The following DCDC1 variants were observed in gnomAD, a reference collection of about 807,000 sequenced individuals.
DCDC1 encodes doublecortin domain-containing protein 1.
A neutral mutation model predicts 178.3 loss-of-function variants in DCDC1; 200 were observed. The observed-to-expected ratio is 1.12, with a 90% confidence interval of 1.00 to 1.26. The LOEUF (loss-of-function observed/expected upper bound fraction) is 1.26, where lower values mean the gene tolerates loss of function less well. DCDC1 is among the 50% of genes most tolerant of loss of function. The probability of loss-of-function intolerance (pLI) is 0.00; values close to 1 mark genes in which losing one functional copy is unlikely to be tolerated. For synonymous variants in DCDC1, 690 were observed against 604.8 expected (o/e 1.14, Z -2.07); for missense variants, 1,983 against 1,749.2 (o/e 1.13, Z -2.38).
At chr11:31,223,468 C>T (rs1446070895) in intron 9 of DCDC1, among the ~76,000 whole-genome samples, 1 of 152,050 alleles carries the variant, frequency 6.6e-6, no homozygotes, top group Non-Finnish European at 1.5e-5. Context: ...ATACTGCATA[C>T]TTTTTTCATA....
At position 30,992,708 on chromosome 11, in the gene DCDC1, A is replaced by T. The variant is rs371261629; in HGVS notation, c.2592-40140T>A. On this transcript the variant is annotated intron_variant, in intron 20 of 38. Coordinates refer to ENST00000684477, the MANE Select transcript of DCDC1 (RefSeq NM_001387274.1). The stretch of plus-strand genomic sequence containing the variant: ...AGCTAAAGGAATAGTTAAATTTTCA[A>T]CCACTATGTAAACTGAAGAAACAAA... 4 of 152,306 alleles carry T rather than the reference A, an allele frequency of 2.6e-5. No individual in the cohort carries two copies. The East Asian group carries it at 5.8e-4, about 22-fold the overall frequency. 9.4% of individuals were successfully genotyped at this position (152,306 alleles called of 1,614,324 possible).
chr11:30,976,543 A>T (rs1950112508), intron 20 of DCDC1, among the ~76,000 whole-genome samples: 1 of 152,170 alleles, frequency 6.6e-6, no homozygotes, highest in Admixed American at 6.5e-5. Flanking sequence ...GACTTAAAAA[A>T]AAAAAGACAT....
chr11:30,954,251 G>A (rs1382838018), intron 20 of DCDC1, among the ~76,000 whole-genome samples: 1 of 151,928 alleles, frequency 6.6e-6, no homozygotes, highest in Non-Finnish European at 1.5e-5. Context: ...TCCTGACCTC[G>A]TGATCTGCCG....
chr11:31,193,833 T>C (rs1256395614), intron 9 of DCDC1, among the ~76,000 whole-genome samples: 4 of 152,124 alleles, frequency 2.6e-5, no homozygotes, highest in Admixed American at 2.6e-4. Context: ...CAAGGTCTTA[T>C]GGGTCAAAAT....
At chr11:31,281,400 C>T (rs1175108487) in intron 7 of DCDC1, among the ~76,000 whole-genome samples, 1 of 151,844 alleles carries the variant, frequency 6.6e-6, no homozygotes, top group Non-Finnish European at 1.5e-5. Context: ...ACATTCTTGA[C>T]CAGATTGAAG....
chr11:31,360,800 T>C (rs1951670067), intron 1 of DCDC1, among the ~76,000 whole-genome samples: 1 of 152,150 alleles, frequency 6.6e-6, no homozygotes, highest in Non-Finnish European at 1.5e-5. Flanking sequence ...AGGTAAGGAA[T>C]ACCATCAGAA....
chr11:30,978,725 T>A (rs73467144), intron 20 of DCDC1, among the ~76,000 whole-genome samples: 6,679 of 151,362 alleles, frequency 0.044, 488 homozygotes, highest in African/African-American at 0.15. Flanking sequence ...ATTCCTTCCA[T>A]CTAACTCTAC....
intron 22 of DCDC1, 134 bp downstream of exon 22, chr11:30,931,637 T>A (rs773952664): frequency 4.0e-5 from 36 of 888,956 alleles, no homozygotes; most frequent in Non-Finnish European, 5.7e-5. Flanking sequence ...TCTATTTTCA[T>A]CTTCAAATAT....
intron 17 of DCDC1, among the ~76,000 whole-genome samples, chr11:31,089,418 T>A (rs957262353): frequency 6.6e-6 from 1 of 152,152 alleles, no homozygotes; most frequent in East Asian, 1.9e-4. Context: ...GTTTTGTCTC[T>A]TCATGCTTCT....
Position 31,361,621 on chromosome 11 carries a change from C to G in DCDC1, c.-125+8076G>C, listed in dbSNP as rs894816959. 2.6e-5 allele frequency among the ~76,000 whole-genome samples: 4 copies of G among 152,134 alleles called. No individual in the cohort carries two copies. The South Asian group carries it at 8.3e-4, about 32-fold the overall frequency. ...CTCAGCCTCTGAGTAGCTGGCACTACAGGCATGCACCACCACACCCGGCTA... is the reference window on the plus strand; with the variant it reads ...CTCAGCCTCTGAGTAGCTGGCACTAGAGGCATGCACCACCACACCCGGCTA... On this transcript the variant is annotated intron_variant, in intron 1 of 38. Coordinates refer to ENST00000684477, the MANE Select transcript of DCDC1 (RefSeq NM_001387274.1).
chr11:31,045,936 C>T (rs1191634121), intron 20 of DCDC1, among the ~76,000 whole-genome samples: 1 of 152,104 alleles, frequency 6.6e-6, no homozygotes, highest in African/African-American at 2.4e-5. Context: ...AAATACGGTA[C>T]AATGTTAAGA....
At chr11:30,963,446 G>A (rs923395931) in intron 20 of DCDC1, among the ~76,000 whole-genome samples, 6 of 152,072 alleles carry the variant, frequency 3.9e-5, no homozygotes, top group East Asian at 1.9e-4. Flanking sequence ...CTGGGTACAC[G>A]GCTACCCATC....
rs543749735 is a variant in DCDC1 at position 31,086,976 on chromosome 11, T to C, written c.2237+4417A>G. 1.4e-4 allele frequency among the ~76,000 whole-genome samples: 22 copies of C among 152,246 alleles called. No homozygotes were observed. The South Asian group carries it at 4.1e-3, about 29-fold the overall frequency. ...AGAATTGGTATTATTTTTCCTAAAATGTTTGCAGAATTTCCCAGTGAAGCT... is the reference window on the plus strand; with the variant it reads ...AGAATTGGTATTATTTTTCCTAAAACGTTTGCAGAATTTCCCAGTGAAGCT... On this transcript the variant is annotated intron_variant, in intron 17 of 38. Coordinates refer to ENST00000684477, the MANE Select transcript of DCDC1 (RefSeq NM_001387274.1).
intron 8 of DCDC1, among the ~76,000 whole-genome samples, chr11:31,258,233 G>A (rs1944543659): frequency 6.6e-6 from 1 of 152,182 alleles, no homozygotes. Flanking sequence ...ATGTTAGACT[G>A]TGGGAGAAAT....
intron 7 of DCDC1, among the ~76,000 whole-genome samples, chr11:31,273,078 C>G (rs748878375): frequency 2.6e-5 from 4 of 152,164 alleles, no homozygotes; most frequent in Admixed American, 1.3e-4. Flanking sequence ...GCCCACGAAC[C>G]ATTTTTTCCT....
chr11:30,910,002 C>T (rs917706208), intron 28 of DCDC1, among the ~76,000 whole-genome samples: 1 of 152,022 alleles, frequency 6.6e-6, no homozygotes, highest in Non-Finnish European at 1.5e-5. Context: ...AAATGAGTCC[C>T]AAGAATTAAT....
intron 12 of DCDC1, among the ~76,000 whole-genome samples, chr11:31,109,917 G>T (rs959694527): frequency 2.0e-5 from 3 of 152,102 alleles, no homozygotes; most frequent in African/African-American, 7.2e-5. Context: ...CTAGGGTTTA[G>T]AAATACCCTA....
chr11:30,876,940 AAAG>A, intron 38 of DCDC1, among the ~76,000 whole-genome samples: 1 of 152,234 alleles, frequency 6.6e-6, no homozygotes, highest in South Asian at 2.1e-4. Context: ...TTAAAAAAAA[AAAG>A]AAAAGGCAAA....
intron 8 of DCDC1, among the ~76,000 whole-genome samples, chr11:31,253,329 A>G (rs373078324): frequency 3.5e-4 from 53 of 151,326 alleles, no homozygotes; most frequent in African/African-American, 1.2e-3. Context: ...GCCCAGTTCC[A>G]TCGTAGATAT....
Sources: allele counts gnomAD v4.1 joint callset (sites outside exome capture counted in the v4.1 genomes callset), GRCh38; gene constraint gnomAD v4.1.1; transcripts MANE v1.5; gene names NCBI Gene and HGNC (gene_info 2026-07-23, HGNC 2026-07-21).